LRRC42: variants seen among roughly 807,000 people sequenced by gnomAD.
LRRC42 encodes leucine-rich repeat-containing protein 42.
Under a neutral mutation model 44.3 loss-of-function variants are expected in LRRC42, and 43 were observed. That is an observed-to-expected ratio of 0.97 (90% CI 0.76 to 1.25). The LOEUF (loss-of-function observed/expected upper bound fraction) is 1.25, where lower values mean the gene tolerates loss of function less well. LRRC42 is among the 50% of genes most tolerant of loss of function. The pLI, the probability that LRRC42 is intolerant of heterozygous loss-of-function variation, is 0.00. For missense variants in LRRC42, 540 were observed against 509.1 expected, an observed-to-expected ratio of 1.06 and a Z score of -0.58; for synonymous variants, 207 against 195.2, an observed-to-expected ratio of 1.06 and a Z score of -0.50.
At chr1:53,961,192 G>A (rs1295051784) in intron 5 of LRRC42, among the ~76,000 whole-genome samples, 6 of 152,212 alleles carry the variant, frequency 3.9e-5, no homozygotes, top group African/African-American at 1.2e-4. Context: ...GGCAGATCAC[G>A]AGGTCAGGAG....
In LRRC42 at chr1:53,966,449, T is replaced by A. The variant is rs1655131355; in HGVS notation, c.1012+69T>A. On this transcript the variant is annotated intron_variant, in intron 8 of 8. Coordinates refer to ENST00000371370, the MANE Select transcript of LRRC42 (RefSeq NM_001256409.2). ...CATCCTTAAAGCAGTTCGCTTGTTT[T>A]CCCTCCTTGGAAAAATTAATTATGA... 2.8e-6 allele frequency: 3 copies of A among 1,087,884 alleles called. No individual in the cohort carries two copies. The Admixed American group carries it at 5.4e-5, about 20-fold the overall frequency. 67.4% of individuals were successfully genotyped at this position (1,087,884 alleles called of 1,614,324 possible).
At chr1:53,960,255 ATATGT>A (rs1466366913) in intron 4 of LRRC42, 96 bp from the exon 5 acceptor site, 5 of 802,598 alleles carry the variant, frequency 6.2e-6, no homozygotes, top group African/African-American at 5.2e-5. Context: ...GAGGTAGAGG[ATATGT>A]TATATTTTTA....
chr1:53,949,336 G>T (rs1654608059), intron 2 of LRRC42, among the ~76,000 whole-genome samples: 1 of 152,176 alleles, frequency 6.6e-6, no homozygotes, highest in Admixed American at 6.5e-5. Context: ...TAGGGGTGAG[G>T]GTTGGGGGCA....
At chr1:53,947,458 C>T (rs754683864) in intron 1 of LRRC42, among the ~76,000 whole-genome samples, 7 of 152,082 alleles carry the variant, frequency 4.6e-5, no homozygotes, top group Non-Finnish European at 8.8e-5. Context: ...AGAATGGGGA[C>T]ACACAGAACA....
chr1:53,957,319 A>C (rs1302997380), intron 3 of LRRC42, among the ~76,000 whole-genome samples: 1 of 152,200 alleles, frequency 6.6e-6, no homozygotes, highest in Admixed American at 6.5e-5. Context: ...CTGTCCTCTT[A>C]GGTTCCTCTC....
chr1:53,947,021 G>A (rs1002201061), intron 1 of LRRC42, among the ~76,000 whole-genome samples: 4 of 151,766 alleles, frequency 2.6e-5, no homozygotes, highest in African/African-American at 4.8e-5. Context: ...CAGAAGGCAA[G>A]GAAAGGGATG....
intron 3 of LRRC42, among the ~76,000 whole-genome samples, chr1:53,956,770 T>G (rs1654852648): frequency 6.6e-6 from 1 of 152,248 alleles, no homozygotes; most frequent in South Asian, 2.1e-4. Flanking sequence ...CACAGTGTTA[T>G]GTCCTTTGCA....
At position 53,962,205 on chromosome 1, in the gene LRRC42, C is replaced by T. The variant is rs1655014862; in HGVS notation, c.813+83C>T. 2.8e-6 allele frequency: 4 copies of T among 1,440,376 alleles called. No homozygotes were observed. The East Asian group carries it at 9.1e-5, about 33-fold the overall frequency. 89.2% of individuals were successfully genotyped at this position (1,440,376 alleles called of 1,614,324 possible). On this transcript the variant is annotated intron_variant, in intron 6 of 8. Coordinates refer to ENST00000371370, the MANE Select transcript of LRRC42 (RefSeq NM_001256409.2). ...TGTGCTAATTGGTATTTAGAAAGGGCTGGTATTTATGATGGTCTTTATTTA... is the reference window on the plus strand; with the variant it reads ...TGTGCTAATTGGTATTTAGAAAGGGTTGGTATTTATGATGGTCTTTATTTA...
rs116177686 is a variant in LRRC42 at position 53,957,873 on chromosome 1, T to C, written c.474-276T>C. 9.3e-3 allele frequency among the ~76,000 whole-genome samples: 1,417 copies of C among 152,332 alleles called. 28 individuals are homozygous for C. The highest frequency in any genetic ancestry group is 0.032 in the African/African-American group (1,351 of 41,570). The stretch of plus-strand genomic sequence containing the variant: ...AAGGTCTGCCTGATAACAAAGCAGG[T>C]GTTTCACTTGTGACTTTCCTTTGCT... On this transcript the variant is annotated intron_variant, in intron 3 of 8. Transcript: ENST00000371370.
chr1:53,961,121 A>T (rs1168461539), intron 5 of LRRC42, among the ~76,000 whole-genome samples: 1 of 152,208 alleles, frequency 6.6e-6, no homozygotes, highest in Non-Finnish European at 1.5e-5. Context: ...ATAATAATGA[A>T]TGTCCTGGCT....
At position 53,952,399 on chromosome 1, in the gene LRRC42, G is replaced by A; in HGVS notation, c.400G>A (p.Gly134Arg). Residue 134 changes from glycine (G) to arginine (R), a missense_variant, in exon 3 of 9, where the codon GGG becomes AGG. Gly to Arg is a moderately radical substitution (Grantham distance 125, BLOSUM62 -2). Transcript: ENST00000371370. The part of the protein sequence containing the change: ...ARQKFTEPGA[G>R]LRALQKFTEA... ...ACAGAAATTCACTGAGCCAGGTGCA[G>A]GGCTGAGGGCTTTACAGAAATTCAC... 1 of 1,612,474 alleles carries A rather than the reference G, an allele frequency of 6.2e-7. No individual in the cohort carries two copies. Among genetic ancestry groups the A allele is most frequent in the South Asian group, 1.1e-5 (1 of 91,078 alleles).
intron 2 of LRRC42, among the ~76,000 whole-genome samples, chr1:53,949,380 G>A (rs978679568): frequency 1.3e-5 from 2 of 152,158 alleles, no homozygotes; most frequent in Non-Finnish European, 2.9e-5. Flanking sequence ...CATTGCTCAG[G>A]GAGTTCACAG....
chr1:53,956,570 G>A (rs897459431), intron 3 of LRRC42, among the ~76,000 whole-genome samples: 2 of 152,128 alleles, frequency 1.3e-5, no homozygotes, highest in African/African-American at 4.8e-5. Flanking sequence ...CCAAACTCAG[G>A]TCTGGTCTGT....
chr1:53,963,131 G>T (rs2100930618), intron 7 of LRRC42, among the ~76,000 whole-genome samples: 1 of 152,238 alleles, frequency 6.6e-6, no homozygotes, highest in East Asian at 1.9e-4. Context: ...AACTGTCCTG[G>T]ATCCCCTCTT....
chr1:53,967,103 T>C (rs1386206844), intron 8 of LRRC42, among the ~76,000 whole-genome samples: 2 of 152,238 alleles, frequency 1.3e-5, no homozygotes, highest in South Asian at 2.1e-4. Context: ...CTTTATGTTA[T>C]GTATATTTTA....
intron 4 of LRRC42, among the ~76,000 whole-genome samples, chr1:53,958,856 G>A (rs1217873332): frequency 6.6e-6 from 1 of 151,806 alleles, no homozygotes; most frequent in Non-Finnish European, 1.5e-5. Context: ...AAAGTGCTGG[G>A]ATTACAGGCG....
At chr1:53,966,274 A>C (rs908361156) in intron 7 of LRRC42, 22 bp from the exon 8 acceptor site, 2 of 1,594,790 alleles carry the variant, frequency 1.3e-6, no homozygotes, top group African/African-American at 1.3e-5. Context: ...TTTGGATTCA[A>C]ATCTTTCCAA....
At chr1:53,963,822 G>A (rs1342921366) in intron 7 of LRRC42, among the ~76,000 whole-genome samples, 4 of 152,172 alleles carry the variant, frequency 2.6e-5, no homozygotes, top group East Asian at 3.9e-4. Context: ...CCTTCTATCC[G>A]AGAGAACAAG....
In LRRC42 at chr1:53,962,386, A is replaced by C. The variant is rs373267361; in HGVS notation, c.904A>C (p.Lys302Gln). ...GAAGGAATTTGATCATAGTAACTGC[A>C]AGACAGAGGGCTGGGCTGACCAGGT... ...PLKEFDHSNC[K>Q]TEGWADQIVL... The change falls in exon 7 of 9, where the codon AAG (lysine) becomes CAG (glutamine). Residue 302 changes from lysine to glutamine, a missense_variant. Transcript: ENST00000371370. 1.2e-6 allele frequency: 2 copies of C among 1,613,214 alleles called. No individual in the cohort carries two copies. Among genetic ancestry groups the C allele is most frequent in the Non-Finnish European group, 1.7e-6 (2 of 1,179,244 alleles).
Sources: gnomAD v4.1 joint callset for allele counts (sites outside exome capture counted in the v4.1 genomes callset) on GRCh38, gnomAD v4.1.1 for gene constraint, MANE v1.5 for transcripts, NCBI Gene and HGNC (gene_info 2026-07-23, HGNC 2026-07-21) for gene names.